The following PSMA4 variants were observed in gnomAD, a reference collection of about 807,000 sequenced individuals.
PSMA4 encodes the protein proteasome 20S subunit alpha 4.
A neutral mutation model predicts 37.2 loss-of-function variants in PSMA4; 8 were observed. The ratio of observed to expected loss-of-function variants is 0.22; its 90% CI spans 0.13 to 0.39. PSMA4 has a LOEUF of 0.39. PSMA4 is among the 10% of genes least tolerant of loss of function. The pLI is 1.00. For synonymous variants in PSMA4, 93 were observed against 98.8 expected (o/e 0.94, Z 0.35); for missense variants, 169 against 305.1 (o/e 0.55, Z 3.32).
chr15:78,545,516 C>G (rs926607900), intron 6 of PSMA4, 118 bp from the exon 7 acceptor site: 2 of 1,180,632 alleles, frequency 1.7e-6, no homozygotes, highest in Non-Finnish European at 2.4e-6. Context: ...GAATACAAAA[C>G]AGTTTATGAA....
intron 7 of PSMA4, among the ~76,000 whole-genome samples, chr15:78,546,126 G>A (rs777493457): frequency 5.3e-5 from 8 of 152,020 alleles, no homozygotes; most frequent in Non-Finnish European, 1.0e-4. Flanking sequence ...ACCCCGTGCC[G>A]TGTGTGCCCT....
intron 4 of PSMA4, 89 bp downstream of exon 4, chr15:78,542,734 G>A (rs530772336): frequency 1.1e-5 from 14 of 1,239,620 alleles, no homozygotes; most frequent in East Asian, 4.7e-5. Flanking sequence ...TCTTCCGTGC[G>A]ATGTGGTAGA....
chr15:78,544,114 G>T (rs2052505165), intron 4 of PSMA4, 76 bp from the exon 5 acceptor site: 5 of 1,102,476 alleles, frequency 4.5e-6, no homozygotes, highest in Non-Finnish European at 6.6e-6. Flanking sequence ...ATAGAAATTA[G>T]AATTTTTTAA....
chr15:78,549,257 T>G lies in PSMA4; in HGVS notation c.*313T>G. The stretch of plus-strand genomic sequence containing the variant: ...ACAAAAACTGACAGGGCGATTACTT[T>G]TTGCACATTGTGGCTTACAGTCCTT... On this transcript the variant is annotated 3_prime_UTR_variant, in exon 9 of 9. Transcript: ENST00000044462. The G allele has an allele frequency of 5.2e-6, 1 of 192,246 alleles. No homozygotes were observed. The highest frequency in any genetic ancestry group is 1.0e-5 in the Non-Finnish European group (1 of 97,144). The allele number at this position is 192,246 out of a possible 1,614,324, so 11.9% of individuals were successfully genotyped here.
intron 7 of PSMA4, among the ~76,000 whole-genome samples, chr15:78,546,179 C>T (rs1354042547): frequency 1.3e-5 from 2 of 152,170 alleles, no homozygotes; most frequent in African/African-American, 4.8e-5. Context: ...CATGGTGGCT[C>T]ATGCCTGTAA....
chr15:78,541,648 C>CT, intron 1 of PSMA4: 1 of 453,742 alleles, frequency 2.2e-6, no homozygotes, highest in South Asian at 2.6e-5. Context: ...TTTCTTGATT[C>CT]TTTCATCATC....
rs906455630 is a variant in PSMA4, at chr15:78,549,114, G to C, written c.*170G>C. The C allele has an allele frequency of 4.3e-5, 44 of 1,027,548 alleles. No individual in the cohort carries two copies. The African/African-American group carries it at 7.1e-4, about 17-fold the overall frequency. 63.7% of individuals were successfully genotyped at this position (1,027,548 alleles called of 1,614,324 possible). A position where few individuals can be genotyped will look rare whatever the true frequency, so the allele number is the denominator to read the frequency against. ...GTCCAATTGAATACTTTATTGTAAC[G>C]ATGATGGTTACCCTTCATGGACGTC... On this transcript the variant is annotated 3_prime_UTR_variant, in exon 9 of 9. Transcript: ENST00000044462.
rs906455630 is a variant in PSMA4 at position 78,549,114 on chromosome 15, G to T, written c.*170G>T. ...GTCCAATTGAATACTTTATTGTAAC[G>T]ATGATGGTTACCCTTCATGGACGTC... On this transcript the variant is annotated 3_prime_UTR_variant, in exon 9 of 9. Transcript: ENST00000044462. 1.9e-6 allele frequency: 2 copies of T among 1,027,550 alleles called. No homozygotes were observed. The highest frequency in any genetic ancestry group is 7.3e-5 in the South Asian group (2 of 27,294). 63.7% of individuals were successfully genotyped at this position (1,027,550 alleles called of 1,614,324 possible). A position where few individuals can be genotyped will look rare whatever the true frequency, so the allele number is the denominator to read the frequency against.
At chr15:78,544,123 A>G (rs535720244) in intron 4 of PSMA4, 67 bp from the exon 5 acceptor site, 11 of 1,178,066 alleles carry the variant, frequency 9.3e-6, no homozygotes, top group Admixed American at 9.0e-5. Flanking sequence ...AGAATTTTTT[A>G]AATACTTATA....
Position 78,545,009 on chromosome 15 carries a change from G to A in PSMA4, c.376+52G>A, listed in dbSNP as rs551125008. On this transcript the variant is annotated intron_variant, in intron 6 of 8. Coordinates refer to ENST00000044462, the MANE Select transcript of PSMA4 (RefSeq NM_002789.6). The stretch of plus-strand genomic sequence containing the variant: ...TCGAAAAAGTTAAGACATTTTATGA[G>A]TTATAACCCTTTTGAGGTAGTAAAA... 1.8e-4 allele frequency: 243 copies of A among 1,318,118 alleles called. 2 individuals carry two copies. The South Asian group carries it at 3.1e-3, about 17-fold the overall frequency. The allele number at this position is 1,318,118 out of a possible 1,614,324, so 81.7% of individuals were successfully genotyped here.
At chr15:78,542,798 T>C in intron 4 of PSMA4, 153 bp downstream of exon 4, 1 of 673,960 alleles carries the variant, frequency 1.5e-6, no homozygotes, top group Non-Finnish European at 2.5e-6. Flanking sequence ...TGGTACCATG[T>C]GTTACTCCTT....
intron 1 of PSMA4, chr15:78,541,679 G>A (rs950820701): frequency 1.2e-5 from 6 of 494,194 alleles, no homozygotes; most frequent in Non-Finnish European, 2.2e-5. Context: ...CCCTACCCCC[G>A]GTTCCTCTTT....
rs561451459 is a variant in PSMA4 at position 78,540,824 on chromosome 15, C to A, written c.-24+285C>A. The A allele has an allele frequency of 1.7e-3, 262 of 152,374 alleles. 1 individual carries two copies. Among genetic ancestry groups the A allele is most frequent in the Admixed American group, 3.4e-3 (52 of 15,304 alleles). The allele number at this position is 152,374 out of a possible 1,614,324, so 9.4% of individuals were successfully genotyped here. A position where few individuals can be genotyped will look rare whatever the true frequency, so the allele number is the denominator to read the frequency against. ...ACCGAGAGTTGGGGTGGCTTCCGTCCTCAGGAGTTCGGTACGTGAAAGTTA... is the reference window on the plus strand; with the variant it reads ...ACCGAGAGTTGGGGTGGCTTCCGTCATCAGGAGTTCGGTACGTGAAAGTTA... On this transcript the variant is annotated intron_variant, in intron 1 of 8. Coordinates refer to ENST00000044462, the MANE Select transcript of PSMA4 (RefSeq NM_002789.6).
At chr15:78,542,310 G>T in intron 3 of PSMA4, 91 bp downstream of exon 3, 2 of 1,428,514 alleles carry the variant, frequency 1.4e-6, no homozygotes, top group Non-Finnish European at 1.9e-6. Context: ...TTTGGTAGTT[G>T]CAAAGTTCAT....
chr15:78,544,094 T>G, intron 4 of PSMA4, 96 bp from the exon 5 acceptor site: 1 of 865,916 alleles, frequency 1.2e-6, no homozygotes, highest in Non-Finnish European at 1.8e-6. Flanking sequence ...GCAAACATAG[T>G]GAATTTCTAA....
chr15:78,546,086 CTT>C (rs989861306), intron 7 of PSMA4, among the ~76,000 whole-genome samples: 2 of 152,122 alleles, frequency 1.3e-5, no homozygotes, highest in African/African-American at 4.8e-5. Flanking sequence ...TAAAGACACT[CTT>C]TATAGAGCAT....
At chr15:78,544,996 AG>A in intron 6 of PSMA4, 39 bp downstream of exon 6, 1 of 1,469,534 alleles carries the variant, frequency 6.8e-7, no homozygotes, top group Non-Finnish European at 9.4e-7. Flanking sequence ...GAAAAAGTTA[AG>A]ACATTTTATG....
rs1319329603 is a variant in PSMA4 at position 78,543,979 on chromosome 15, T to C, written c.210-211T>C. On this transcript the variant is annotated intron_variant, in intron 4 of 8. Transcript: ENST00000044462. ...ATGATAAATACATCTATTAAATAAC[T>C]TAAAGGGTGCATTTGTTTATCTTTC... 3 of 491,086 alleles carry C rather than the reference T, an allele frequency of 6.1e-6. No homozygotes were observed. In the Admixed American group the frequency reaches 1.1e-4, roughly 18 times the overall value. The allele number at this position is 491,086 out of a possible 1,614,324, so 30.4% of individuals were successfully genotyped here.
chr15:78,545,600 T>A (rs934414091), intron 6 of PSMA4, 34 bp from the exon 7 acceptor site: 1 of 1,605,310 alleles, frequency 6.2e-7, no homozygotes, highest in Non-Finnish European at 8.5e-7. Flanking sequence ...AAATTTAGAT[T>A]ATTGATATGT....
Sources: gnomAD v4.1 joint callset for allele counts (sites outside exome capture counted in the v4.1 genomes callset) on GRCh38, gnomAD v4.1.1 for gene constraint, MANE v1.5 for transcripts, NCBI Gene and HGNC (gene_info 2026-07-23, HGNC 2026-07-21) for gene names.